The following EGR2 variants were observed in gnomAD, a reference collection of about 807,000 sequenced individuals.
The protein encoded by EGR2 is early growth response 2, also known as E3 SUMO-protein ligase EGR2.
A neutral mutation model predicts 21.2 loss-of-function variants in EGR2; 2 were observed. That is an observed-to-expected ratio of 0.09 (90% CI 0.04 to 0.30). EGR2 has a LOEUF of 0.30. Ranked by LOEUF, EGR2 falls within the 10% of genes least tolerant of loss-of-function variation. The pLI is 1.00. For synonymous variants in EGR2, 282 were observed against 258.2 expected, an observed-to-expected ratio of 1.09 and a Z score of -0.88; for missense variants, 458 against 630.2, an observed-to-expected ratio of 0.73 and a Z score of 2.93.
upstream of EGR2, among the ~76,000 whole-genome samples, chr10:62,816,524 C>T (rs1842274766): frequency 6.6e-6 from 1 of 152,212 alleles, no homozygotes; most frequent in Non-Finnish European, 1.5e-5. Context: ...CTCCGCCGGG[C>T]TCGCGACTTC....
At chr10:62,815,431 G>A (rs1842238717) in intron 1 of EGR2, among the ~76,000 whole-genome samples, 1 of 152,334 alleles carries the variant, frequency 6.6e-6, no homozygotes, top group South Asian at 2.1e-4. Context: ...AGCTACCGAC[G>A]CTTTCCCCTG....
intron 1 of EGR2, 36 bp downstream of exon 1, chr10:62,815,825 C>T (rs769322406): frequency 1.9e-6 from 3 of 1,612,550 alleles, no homozygotes; most frequent in Admixed American, 1.7e-5. Flanking sequence ...ACCTCCGGGC[C>T]GCGCAGGTCC....
In EGR2 at chr10:62,813,167, C is replaced by T. The variant is rs765548102; in HGVS notation, c.*40G>A. On this transcript the variant is annotated 3_prime_UTR_variant, in exon 2 of 2. Coordinates refer to ENST00000242480, the MANE Select transcript of EGR2 (RefSeq NM_000399.5). This position sits in a 1 kb window ranked among gnomAD's most constrained non-coding sequence, Gnocchi z 5.7. ...GCAGCTCCAGTGGACAAAGGGCCTCCGGGACCTTTGGGAGCTGGTGTATCA... is the reference window on the plus strand; with the variant it reads ...GCAGCTCCAGTGGACAAAGGGCCTCTGGGACCTTTGGGAGCTGGTGTATCA... 3.3e-6 allele frequency: 5 copies of T among 1,525,244 alleles called. No individual in the cohort carries two copies. The highest frequency in any genetic ancestry group is 1.4e-5 in the African/African-American group (1 of 72,376). The allele number at this position is 1,525,244 out of a possible 1,614,324, so 94.5% of individuals were successfully genotyped here. A position where few individuals can be genotyped will look rare whatever the true frequency, so the allele number is the denominator to read the frequency against.
Position 62,813,710 on chromosome 10 carries a change from AGGCGGC to A in EGR2, c.922_927del (p.Ala308_Ala309del), listed in dbSNP as rs753747037. The A allele has an allele frequency of 5.6e-6, 9 of 1,611,862 alleles. No homozygotes were observed. Among genetic ancestry groups the A allele is most frequent in the East Asian group, 2.2e-5 (1 of 44,844 alleles). ...CGCAGTGGCAGGTGGTGTGGGTTATAGGCGGCGGCGGCGGCGGCTGCTGCTGCTGCT... is the reference window on the plus strand; with the variant it reads ...CGCAGTGGCAGGTGGTGTGGGTTATAGGCGGCGGCGGCTGCTGCTGCTGCT... On this transcript the variant is annotated inframe_deletion, in exon 2 of 2. Transcript: ENST00000242480. The surrounding 1 kb of genome is among the most constrained non-coding windows in gnomAD (Gnocchi z 5.7).
upstream of EGR2, among the ~76,000 whole-genome samples, chr10:62,817,432 G>C (rs1215891467): frequency 1.3e-5 from 2 of 152,138 alleles, no homozygotes; most frequent in African/African-American, 4.8e-5. This position sits in a 1 kb window ranked among gnomAD's most constrained non-coding sequence, Gnocchi z 4.4. Context: ...GTTGCCAGCA[G>C]TGTCCCGGCG....
At chr10:62,818,713 T>TTAG, upstream of EGR2, 1 of 873,124 alleles carries the variant, frequency 1.1e-6, no homozygotes, top group Non-Finnish European at 1.5e-6. Context: ...GGGGCTCGGG[T>TTAG]TACGGCCCCC....
upstream of EGR2, among the ~76,000 whole-genome samples, chr10:62,817,178 C>T: frequency 6.6e-6 from 1 of 152,214 alleles, no homozygotes; most frequent in Middle Eastern, 3.2e-3. The surrounding 1 kb of genome is among the most constrained non-coding windows in gnomAD (Gnocchi z 4.4). Flanking sequence ...TGCCCGCGCG[C>T]TCCCCGCCCC....
Position 62,813,844 on chromosome 10 carries a change from A to T in EGR2, c.794T>A (p.Leu265His). The T allele has an allele frequency of 6.2e-7, 1 of 1,613,874 alleles. No homozygotes were observed. The highest frequency in any genetic ancestry group is 8.5e-7 in the Non-Finnish European group (1 of 1,179,962). ...CAGGGTAAAGTTACGGATTGTAGAG[A>T]GTGGAGTGAGTGGAGGGGGCACCCG... ...TLRVPPPLTP[L>H]STIRNFTLGG... Residue 265 changes from leucine to histidine, a missense_variant, in exon 2 of 2, where the codon CTC (leucine) becomes CAC (histidine). This residue lies in a region of EGR2 where 253 missense variants were observed against 315.5 expected (regional missense o/e 0.80). Coordinates refer to ENST00000242480, the MANE Select transcript of EGR2 (RefSeq NM_000399.5). The surrounding 1 kb of genome is among the most constrained non-coding windows in gnomAD (Gnocchi z 5.7).
Position 62,812,365 on chromosome 10 carries a change from C to A in EGR2, c.*842G>T, listed in dbSNP as rs780377159. ...CACAAGGCACCAAGGACACTTCCAACACAATTGCATGCATCCTAGTTTCAG... is the reference window on the plus strand; with the variant it reads ...CACAAGGCACCAAGGACACTTCCAAAACAATTGCATGCATCCTAGTTTCAG... On this transcript the variant is annotated 3_prime_UTR_variant, in exon 2 of 2. Coordinates refer to ENST00000242480, the MANE Select transcript of EGR2 (RefSeq NM_000399.5). 9.8e-5 allele frequency: 15 copies of A among 152,762 alleles called. No individual in the cohort carries two copies. Among genetic ancestry groups the A allele is most frequent in the Non-Finnish European group, 2.1e-4 (14 of 68,032 alleles). The allele number at this position is 152,762 out of a possible 1,614,324, so 9.5% of individuals were successfully genotyped here. A position where few individuals can be genotyped will look rare whatever the true frequency, so the allele number is the denominator to read the frequency against.
intron 1 of EGR2, among the ~76,000 whole-genome samples, chr10:62,815,063 G>T (rs1350590503): frequency 6.6e-6 from 1 of 152,266 alleles, no homozygotes; most frequent in Non-Finnish European, 1.5e-5. Flanking sequence ...GGAGTCCGTA[G>T]GTTTCCGTGC....
rs1268773927 is a variant in EGR2, at chr10:62,813,429, A to G, written c.1209T>C (p.Cys403=). Residue 403 remains cysteine (C), a synonymous_variant, in exon 2 of 2, where the codon TGT becomes TGC. Transcript: ENST00000242480. The surrounding 1 kb of genome is among the most constrained non-coding windows in gnomAD (Gnocchi z 5.7). Reference sequence around the variant, plus strand: ...CATCACTCCGGGCAAACTTTCGGCCACAGTAGTCACAGGCGAAGGGCTTCT... The same window carrying G: ...CATCACTCCGGGCAAACTTTCGGCCGCAGTAGTCACAGGCGAAGGGCTTCT... The part of the protein sequence containing the change: ...TGEKPFACDY[C]GRKFARSDER... 1 of 1,613,862 alleles carries G rather than the reference A, an allele frequency of 6.2e-7. No homozygotes were observed. Among genetic ancestry groups the G allele is most frequent in the South Asian group, 1.1e-5 (1 of 91,080 alleles).
upstream of EGR2, among the ~76,000 whole-genome samples, chr10:62,817,467 G>T (rs573087441): frequency 6.1e-4 from 93 of 152,258 alleles, no homozygotes; most frequent in African/African-American, 2.1e-3. The surrounding 1 kb of genome is among the most constrained non-coding windows in gnomAD (Gnocchi z 4.4). Context: ...GGGCTCGCTG[G>T]ACAGGAGGTT....
At chr10:62,818,730 C>G, upstream of EGR2, 1 of 663,750 alleles carries the variant, frequency 1.5e-6, no homozygotes, top group South Asian at 2.4e-5. Context: ...CCCCGCCGGC[C>G]CCTTAGGTGA....
Position 62,813,238 on chromosome 10 carries a change from G to T in EGR2, c.1400C>A (p.Ala467Asp). ...TGTCCGGGTCCGAGAGGAGCAAGGG[G>T]CGAGCGGCCCTCCGCCAAGACTGCT... Reference protein sequence around the residue: ...NSSSLGGGPLAPCSSRTRTP With the variant: ...NSSSLGGGPLDPCSSRTRTP The change falls in exon 2 of 2, where the codon GCC becomes GAC. Residue 467 changes from alanine (A) to aspartate (D), a missense_variant. Ala to Asp is a moderately radical substitution (Grantham distance 126). Coordinates refer to ENST00000242480, the MANE Select transcript of EGR2 (RefSeq NM_000399.5). The surrounding 1 kb of genome is among the most constrained non-coding windows in gnomAD (Gnocchi z 5.7). The T allele has an allele frequency of 6.4e-7, 1 of 1,568,252 alleles. No individual in the cohort carries two copies.
chr10:62,813,222 C>A lies in EGR2; in HGVS notation c.1416G>T (p.Arg472=). 6.4e-7 allele frequency: 1 copy of A among 1,568,606 alleles called. No homozygotes were observed. The highest frequency in any genetic ancestry group is 1.2e-5 in the South Asian group (1 of 83,326). The part of the protein sequence containing the change: ...GGGPLAPCSS[R]TRTP ...GAGTCTCATCTCAAGGTGTCCGGGT[C>A]CGAGAGGAGCAAGGGGCGAGCGGCC... Residue 472 remains arginine (R), a synonymous_variant, in exon 2 of 2, where the codon CGG becomes CGT. Transcript: ENST00000242480. The surrounding 1 kb of genome is among the most constrained non-coding windows in gnomAD (Gnocchi z 5.7).
In EGR2 at chr10:62,813,389, T is replaced by C; in HGVS notation, c.1249A>G (p.Thr417Ala). The C allele has an allele frequency of 6.2e-7, 1 of 1,612,126 alleles. No homozygotes were observed. Among genetic ancestry groups the C allele is most frequent in the Non-Finnish European group, 8.5e-7 (1 of 1,178,380 alleles). The change falls in exon 2 of 2, where the codon ACC (threonine) becomes GCC (alanine). Residue 417 changes from threonine to alanine, a missense_variant. By Grantham distance (58) the Thr-to-Ala change is moderately conservative. Coordinates refer to ENST00000242480, the MANE Select transcript of EGR2 (RefSeq NM_000399.5). The surrounding 1 kb of genome is among the most constrained non-coding windows in gnomAD (Gnocchi z 5.7). Reference protein sequence around the residue: ...FARSDERKRHTKIHLRQKERK... With the variant: ...FARSDERKRHAKIHLRQKERK... ...TCTTTCTGTCTCAGGTGGATCTTGG[T>C]GTGGCGCTTCCTCTCATCACTCCGG...
Position 62,814,188 on chromosome 10 carries a change from A to C in EGR2, c.450T>G (p.Gly150=). ...SPNPLATGPL[G]VCTMSQTQPD... ...GCTGGGTCTGGGACATGGTGCACAC[A>C]CCCAGGGGTCCTGTGGCCAGTGGGT... Residue 150 remains glycine, a synonymous_variant, in exon 2 of 2, where the codon GGT becomes GGG. Transcript: ENST00000242480. This position sits in a 1 kb window ranked among gnomAD's most constrained non-coding sequence, Gnocchi z 4.8. 7 of 1,614,136 alleles carry C rather than the reference A, an allele frequency of 4.3e-6. No individual in the cohort carries two copies. Among genetic ancestry groups the C allele is most frequent in the Non-Finnish European group, 5.9e-6 (7 of 1,180,006 alleles).
At position 62,812,069 on chromosome 10, in the gene EGR2, G is replaced by A. The variant is rs957342784; in HGVS notation, c.*1138C>T. ...TCTGAACTTCAGTTAGTGGTTTTGC[G>A]TTAGAATAGATTTATTTTTTCACAA... On this transcript the variant is annotated 3_prime_UTR_variant, in exon 2 of 2. Transcript: ENST00000242480. The A allele has an allele frequency of 2.6e-5, 4 of 152,738 alleles. No homozygotes were observed. Among genetic ancestry groups the A allele is most frequent in the Non-Finnish European group, 5.9e-5 (4 of 68,038 alleles). 9.5% of individuals were successfully genotyped at this position (152,738 alleles called of 1,614,324 possible). A position where few individuals can be genotyped will look rare whatever the true frequency, so the allele number is the denominator to read the frequency against.
rs1263476103 is a variant in EGR2 at position 62,813,123 on chromosome 10, G to A, written c.*84C>T. 1 of 1,405,898 alleles carries A rather than the reference G, an allele frequency of 7.1e-7. No homozygotes were observed. Among genetic ancestry groups the A allele is most frequent in the African/African-American group, 1.4e-5 (1 of 69,662 alleles). The allele number at this position is 1,405,898 out of a possible 1,614,324, so 87.1% of individuals were successfully genotyped here. ...AACAAAGGGAGAGAGGGACAGGAAA[G>A]GGTGGTAGTGTTTGTTGTGCAGCTC... On this transcript the variant is annotated 3_prime_UTR_variant, in exon 2 of 2. Coordinates refer to ENST00000242480, the MANE Select transcript of EGR2 (RefSeq NM_000399.5). This position sits in a 1 kb window ranked among gnomAD's most constrained non-coding sequence, Gnocchi z 5.7.
Sources: gnomAD v4.1 joint callset for allele counts (sites outside exome capture counted in the v4.1 genomes callset) on GRCh38, gnomAD v4.1.1 for gene constraint, gnomAD v4.1.1 regional missense constraint, Gnocchi (gnomAD v3.1) non-coding constraint, MANE v1.5 for transcripts, NCBI Gene and HGNC (gene_info 2026-07-23, HGNC 2026-07-21) for gene names.